ANOS1: variants seen among roughly 807,000 people sequenced by gnomAD.
ANOS1 encodes the protein anosmin 1.
ANOS1 carries 6 observed loss-of-function variants against 59.0 expected under a neutral mutation model. The observed-to-expected ratio is 0.10, with a 90% CI of 0.06 to 0.20. The LOEUF (loss-of-function observed/expected upper bound fraction) is 0.20, where lower values mean the gene tolerates loss of function less well. Among genes scored for constraint, ANOS1 ranks in the 10% least tolerant of loss-of-function variants. The probability of loss-of-function intolerance (pLI) is 1.00; values close to 1 mark genes in which losing one functional copy is unlikely to be tolerated. For synonymous variants in ANOS1, 217 were observed against 223.4 expected (o/e 0.97, Z 0.25); for missense variants, 433 against 542.3 (o/e 0.80, Z 2.00).
At chrX:8,700,122 C>T (rs1932741118) in intron 1 of ANOS1, among the ~76,000 whole-genome samples, 2 of 112,142 alleles carry the variant, frequency 1.8e-5, no homozygotes, top group Admixed American at 1.9e-4. Context: ...CTTTTGATCT[C>T]AACCAATTTA....
chrX:8,557,777 A>G (rs918438769), intron 8 of ANOS1, among the ~76,000 whole-genome samples: 4 of 111,986 alleles, frequency 3.6e-5, no homozygotes, highest in Non-Finnish European at 7.5e-5. Context: ...CAATTCCTCA[A>G]GGATCTAGAA....
intron 6 of ANOS1, among the ~76,000 whole-genome samples, chrX:8,581,986 C>A (rs931361825): frequency 8.9e-6 from 1 of 112,033 alleles, no homozygotes; most frequent in Admixed American, 9.5e-5. Context: ...ACTCTTGTTT[C>A]ATTTCCTCAT....
At chrX:8,707,734 C>G (rs1409250103) in intron 1 of ANOS1, among the ~76,000 whole-genome samples, 1 of 111,693 alleles carries the variant, frequency 9.0e-6, no homozygotes, top group African/African-American at 3.3e-5. Flanking sequence ...CACCATTTTA[C>G]TTCAATAACT....
intron 1 of ANOS1, among the ~76,000 whole-genome samples, chrX:8,722,388 T>C (rs1013082665): frequency 9.0e-6 from 1 of 111,075 alleles, no homozygotes; most frequent in Admixed American, 9.6e-5. Context: ...CCAAAGTCCA[T>C]TGTATCACTC....
intron 2 of ANOS1, among the ~76,000 whole-genome samples, chrX:8,691,391 G>A (rs1932604893): frequency 8.9e-6 from 1 of 111,936 alleles, no homozygotes; most frequent in South Asian, 3.7e-4. Context: ...AGATGGAAAT[G>A]TACCAAAGAT....
chrX:8,545,652 C>T lies in ANOS1; in HGVS notation c.1355-5894G>A, dbSNP rs142030605. Among the ~76,000 whole-genome samples, 402 of 111,907 alleles carry T rather than the reference C, an allele frequency of 3.6e-3. 2 individuals are homozygous for T. The highest frequency in any genetic ancestry group is 0.012 in the African/African-American group (381 of 30,856). On this transcript the variant is annotated intron_variant, in intron 9 of 13. Coordinates refer to ENST00000262648, the MANE Select transcript of ANOS1 (RefSeq NM_000216.4). ...TTAAGTAAAGAAAGCTAATATTTGACGTTTAATTCATTTATCTATGAAACT... is the reference window on the plus strand; with the variant it reads ...TTAAGTAAAGAAAGCTAATATTTGATGTTTAATTCATTTATCTATGAAACT...
chrX:8,710,829 T>C (rs1307084277), intron 1 of ANOS1, among the ~76,000 whole-genome samples: 1 of 112,061 alleles, frequency 8.9e-6, no homozygotes, highest in Non-Finnish European at 1.9e-5. Flanking sequence ...AGTAACTCTC[T>C]CCAAAACATT....
At chrX:8,614,851 C>A (rs1931131176) in intron 3 of ANOS1, among the ~76,000 whole-genome samples, 1 of 48,160 alleles carries the variant, frequency 2.1e-5, no homozygotes, top group Non-Finnish European at 4.3e-5. Context: ...ATTTGATACT[C>A]CCCCGAGTAA....
At chrX:8,636,232 G>A (rs55716880) in intron 2 of ANOS1, among the ~76,000 whole-genome samples, 1 of 111,322 alleles carries the variant, frequency 9.0e-6, no homozygotes, top group African/African-American at 3.3e-5. Flanking sequence ...CATTTGATTG[G>A]TAGTCCTGGA....
chrX:8,530,599 G>A lies in ANOS1; in HGVS notation c.*2396C>T, dbSNP rs1209413421. On this transcript the variant is annotated 3_prime_UTR_variant, in exon 14 of 14. Coordinates refer to ENST00000262648, the MANE Select transcript of ANOS1 (RefSeq NM_000216.4). ...ATATTAAAATTAGAAGCCCATAAGAGCTGCTTTAGATTTTTTTAAGGGAGA... is the reference window on the plus strand; with the variant it reads ...ATATTAAAATTAGAAGCCCATAAGAACTGCTTTAGATTTTTTTAAGGGAGA... The A allele has an allele frequency of 9.1e-6, 1 of 109,742 alleles. No individual in the cohort carries two copies. Among genetic ancestry groups the A allele is most frequent in the Non-Finnish European group, 1.9e-5 (1 of 52,626 alleles). The allele number at this position is 109,742 out of a possible 1,213,427, so 9.0% of individuals were successfully genotyped here.
intron 2 of ANOS1, among the ~76,000 whole-genome samples, chrX:8,685,685 GGGAA>G (rs1194363216): frequency 1.7e-4 from 17 of 102,660 alleles, no homozygotes; most frequent in African/African-American, 4.6e-4. Flanking sequence ...GAGGGAGGAA[GGGAA>G]GGAAGGAAGG....
intron 1 of ANOS1, among the ~76,000 whole-genome samples, chrX:8,723,277 A>G (rs5934480): frequency 4.0e-3 from 447 of 112,782 alleles, no homozygotes; most frequent in Middle Eastern, 0.014. Context: ...CAGACAACCC[A>G]CAAAGTGGGA....
intron 2 of ANOS1, among the ~76,000 whole-genome samples, chrX:8,625,203 GA>G (rs1226474273): frequency 2.8e-5 from 3 of 107,407 alleles, no homozygotes; most frequent in East Asian, 2.9e-4. Flanking sequence ...CCTCATGGTT[GA>G]AAAAAAAAAT....
chrX:8,569,523 T>C (rs1930187179), intron 7 of ANOS1, among the ~76,000 whole-genome samples: 3 of 111,405 alleles, frequency 2.7e-5, no homozygotes, highest in Non-Finnish European at 1.9e-5. Context: ...GCGCCTGTAG[T>C]CCCAGCTACT....
chrX:8,594,357 C>T lies in ANOS1; in HGVS notation c.541+2677G>A, dbSNP rs192186073. 9.3e-4 allele frequency among the ~76,000 whole-genome samples: 101 copies of T among 108,573 alleles called. 1 individual carries two copies. The highest frequency in any genetic ancestry group is 1.4e-3 in the Non-Finnish European group (76 of 52,439). 94.3% of individuals were successfully genotyped at this position (108,573 alleles called of 115,157 possible). A position where few individuals can be genotyped will look rare whatever the true frequency, so the allele number is the denominator to read the frequency against. On this transcript the variant is annotated intron_variant, in intron 4 of 13. Transcript: ENST00000262648. ...GCGCTGACTGGGCACATGGTTTTCT[C>T]CTTGCAAAGCCAAGGGATGGGTTAG...
intron 1 of ANOS1, among the ~76,000 whole-genome samples, chrX:8,729,028 G>C (rs1401664729): frequency 8.9e-6 from 1 of 112,301 alleles, no homozygotes; most frequent in African/African-American, 3.2e-5. Context: ...ACTATGAGAC[G>C]ACAGCTTCCT....
intron 2 of ANOS1, among the ~76,000 whole-genome samples, chrX:8,668,430 T>TATATATATATACAC (rs1394731479): frequency 2.0e-4 from 16 of 80,230 alleles, no homozygotes; most frequent in African/African-American, 4.5e-4. Flanking sequence ...TATATATATA[T>TATATATATATACAC]ACACACACAT....
At chrX:8,643,454 A>T (rs920015739) in intron 2 of ANOS1, among the ~76,000 whole-genome samples, 1 of 111,705 alleles carries the variant, frequency 9.0e-6, no homozygotes, top group Non-Finnish European at 1.9e-5. Context: ...CTAGGGAGTC[A>T]TGCCCTACAA....
intron 3 of ANOS1, among the ~76,000 whole-genome samples, chrX:8,614,990 C>G (rs1029432694): frequency 7.3e-5 from 4 of 54,971 alleles, no homozygotes; most frequent in African/African-American, 2.8e-4. Context: ...CTGTACCCAT[C>G]ATATGGTGGT....
Sources: allele counts gnomAD v4.1 joint callset (sites outside exome capture counted in the v4.1 genomes callset), GRCh38; gene constraint gnomAD v4.1.1; transcripts MANE v1.5; gene names NCBI Gene and HGNC (gene_info 2026-07-23, HGNC 2026-07-21).